The following ANO7 variants were observed in gnomAD, a reference collection of about 807,000 sequenced individuals.
ANO7 encodes anoctamin-7.
ANO7 carries 114 observed loss-of-function variants against 115.8 expected under a neutral mutation model. The ratio of observed to expected loss-of-function variants is 0.98; its 90% CI spans 0.85 to 1.15. The LOEUF is 1.15. Ranked by LOEUF, ANO7 falls within the 50% of genes most tolerant of loss-of-function variation. ANO7 has a pLI of 0.00. For missense variants in ANO7, 1,302 were observed against 1,201.2 expected, an observed-to-expected ratio of 1.08 and a Z score of -1.24; for synonymous variants, 550 against 498.2, an observed-to-expected ratio of 1.10 and a Z score of -1.38.
At chr2:241,240,005 A>G in the ANO7 span, 1 of 1,614,220 alleles carries the variant, frequency 6.2e-7, no homozygotes, top group Non-Finnish European at 8.5e-7. This position sits in a 1 kb window ranked among gnomAD's most constrained non-coding sequence, Gnocchi z 5.5. Context: ...GCCGCAGGGA[A>G]GATGACACGT....
the ANO7 span, chr2:241,238,388 G>A: frequency 3.2e-6 from 1 of 311,774 alleles, no homozygotes; most frequent in Non-Finnish European, 5.9e-6. The surrounding 1 kb of genome is among the most constrained non-coding windows in gnomAD (Gnocchi z 4.9). Flanking sequence ...GGATGAGGCT[G>A]CACGCTCCTC....
At chr2:241,190,560 G>T (rs985215896) in intron 2 of ANO7, among the ~76,000 whole-genome samples, 2 of 152,246 alleles carry the variant, frequency 1.3e-5, no homozygotes, top group East Asian at 1.9e-4. Context: ...CCATGGATGC[G>T]CTGTGAGCCT....
intron 1 of ANO7, among the ~76,000 whole-genome samples, chr2:241,189,469 A>G (rs1002046463): frequency 5.3e-5 from 8 of 152,070 alleles, no homozygotes; most frequent in Non-Finnish European, 8.8e-5. Context: ...ACTAGGAGCC[A>G]CGGCACCTGT....
At position 241,209,488 on chromosome 2, in the gene ANO7, T is replaced by G. The variant is rs201230626; in HGVS notation, c.1222-10T>G. On this transcript the variant is annotated splice_polypyrimidine_tract_variant and intron_variant, in intron 12 of 24. Transcript: ENST00000674324. ...GCGAGGGCCGCCACTGAGCACCGGC[T>G]CCCTTCCAGGAGAGGCCTCGGCCCC... 1.9e-6 allele frequency: 3 copies of G among 1,598,578 alleles called. No homozygotes were observed.
the ANO7 span, chr2:241,239,564 G>T: frequency 4.6e-6 from 7 of 1,537,002 alleles, no homozygotes; most frequent in Non-Finnish European, 5.4e-6. The surrounding 1 kb of genome is among the most constrained non-coding windows in gnomAD (Gnocchi z 4.6). Context: ...GTGGCCACTG[G>T]GGGGTGAGAA....
downstream of ANO7, chr2:241,229,937 C>A (rs527489432): frequency 2.4e-4 from 385 of 1,604,004 alleles, no homozygotes; most frequent in Non-Finnish European, 3.2e-4. Flanking sequence ...ACCTGCAGCG[C>A]CTCACTGTCC....
intron 4 of ANO7, among the ~76,000 whole-genome samples, chr2:241,197,957 C>G (rs10194929): frequency 0.83 from 125,824 of 152,194 alleles, 52,093 homozygotes; most frequent in East Asian, 0.91. Flanking sequence ...GGCCTCACCT[C>G]CCTCTTCCTT....
chr2:241,212,900 A>T (rs2068747716), intron 17 of ANO7: 1 of 449,252 alleles, frequency 2.2e-6, no homozygotes, highest in Non-Finnish European at 4.1e-6. Flanking sequence ...AGGGAGGCTG[A>T]GGGAGGAGGA....
chr2:241,203,399 C>T lies in ANO7; in HGVS notation c.790C>T (p.Gln264Ter), dbSNP rs1281105625. ...PRLNQRQVLF[Q>*]HWARWGKWNK... The stretch of plus-strand genomic sequence containing the variant: ...CCTCAACCAGCGCCAAGTCCTTTTC[C>T]AGCACTGGGCGCGCTGGGGCAAGTG... Residue 264 changes from glutamine (Q) to a stop codon, truncating the protein, a stop_gained, in exon 9 of 25, where the codon CAG (glutamine) becomes TAG (stop). Transcript: ENST00000674324. LOFTEE classifies it high-confidence loss of function. This position sits in a 1 kb window ranked among gnomAD's most constrained non-coding sequence, Gnocchi z 4.8. 8.1e-6 allele frequency: 13 copies of T among 1,600,412 alleles called. No individual in the cohort carries two copies. The East Asian group carries it at 1.1e-4, about 14-fold the overall frequency.
At chr2:241,216,500 C>A (rs1221189087) in intron 19 of ANO7, among the ~76,000 whole-genome samples, 3 of 152,342 alleles carry the variant, frequency 2.0e-5, no homozygotes, top group Admixed American at 2.0e-4. Flanking sequence ...TTGCAGAGCT[C>A]CCCTGGGGTC....
rs2069084010 is a variant in ANO7 at position 241,223,759 on chromosome 2, A to C, written c.2510A>C (p.Lys837Thr). The C allele has an allele frequency of 6.2e-7, 1 of 1,614,196 alleles. No individual in the cohort carries two copies. Among genetic ancestry groups the C allele is most frequent in the African/African-American group, 1.3e-5 (1 of 75,058 alleles). ...GTGAAGCGGGAGTACTACCTGGCTA[A>C]GCAGGCACTGGCTGAGAATGAGGTG... ...IKVKREYYLA[K>T]QALAENEVLF... The change falls in exon 23 of 25, where the codon AAG becomes ACG. Residue 837 changes from lysine to threonine, a missense_variant. Physicochemically the swap from Lys to Thr is moderately conservative, Grantham distance 78. Transcript: ENST00000674324.
rs58979078 is a variant in ANO7, at chr2:241,209,082, A to G, written c.1078-203A>G. Among the ~76,000 whole-genome samples, 1,006 of 152,304 alleles carry G rather than the reference A, an allele frequency of 6.6e-3. 13 individuals carry two copies. Among genetic ancestry groups the G allele is most frequent in the African/African-American group, 0.022 (917 of 41,572 alleles). ...GAGAATGGCGTGAACCCGGGAGGCGAAGCGTGCAGTGAGCCGAGATCGCGC... is the reference window on the plus strand; with the variant it reads ...GAGAATGGCGTGAACCCGGGAGGCGGAGCGTGCAGTGAGCCGAGATCGCGC... On this transcript the variant is annotated intron_variant, in intron 11 of 24. Transcript: ENST00000674324.
At position 241,209,498 on chromosome 2, in the gene ANO7, G is replaced by T. The variant is rs771468547; in HGVS notation, c.1222G>T (p.Glu408Ter). Residue 408 changes from glutamate (E) to a stop codon, truncating the protein, a stop_gained and splice_region_variant, in exon 13 of 25, where the codon GAG (glutamate) becomes TAG (stop). Coordinates refer to ENST00000674324, the MANE Select transcript of ANO7 (RefSeq NM_001370694.2). LOFTEE classifies it high-confidence loss of function. ...CCACTGAGCACCGGCTCCCTTCCAG[G>T]AGAGGCCTCGGCCCCAGTTTGCCGC... ...WDCSDYEDTE[E>*]RPRPQFAASA... 6.3e-7 allele frequency: 1 copy of T among 1,594,760 alleles called. No homozygotes were observed. Among genetic ancestry groups the T allele is most frequent in the African/African-American group, 1.3e-5 (1 of 74,760 alleles).
chr2:241,203,583 G>A lies in ANO7; in HGVS notation c.889+85G>A, dbSNP rs368918739. Reference sequence around the variant, plus strand: ...TAACAATTTGCCAGTCCGTACCCCTGGAGGGCAGCGTGCGTGGGGGCCTGG... The same window carrying A: ...TAACAATTTGCCAGTCCGTACCCCTAGAGGGCAGCGTGCGTGGGGGCCTGG... On this transcript the variant is annotated intron_variant, in intron 9 of 24. Transcript: ENST00000674324. The surrounding 1 kb of genome is among the most constrained non-coding windows in gnomAD (Gnocchi z 4.8). 7 of 1,052,146 alleles carry A rather than the reference G, an allele frequency of 6.7e-6. No homozygotes were observed. In the East Asian group the frequency reaches 9.4e-5, roughly 14 times the overall value. The allele number at this position is 1,052,146 out of a possible 1,614,324, so 65.2% of individuals were successfully genotyped here. A position where few individuals can be genotyped will look rare whatever the true frequency, so the allele number is the denominator to read the frequency against.
Position 241,200,188 on chromosome 2 carries a change from T to G in ANO7, c.517T>G (p.Tyr173Asp), listed in dbSNP as rs758191643. The G allele has an allele frequency of 6.2e-7, 1 of 1,613,006 alleles. No homozygotes were observed. The highest frequency in any genetic ancestry group is 1.1e-5 in the South Asian group (1 of 91,080). The change falls in exon 6 of 25, where the codon TAC (tyrosine) becomes GAC (aspartate). Residue 173 changes from tyrosine (Y) to aspartate (D), a missense_variant. Transcript: ENST00000674324. ...GGTTGTGCCAGACGTACCCCCCGAG[T>G]ACTACTCCTGCCGGTTCAGAGTGAA... ...LEVVPDVPPE[Y>D]YSCRFRVNKL...
intron 21 of ANO7, 117 bp from the exon 22 acceptor site, chr2:241,223,069 G>A: frequency 2.2e-6 from 2 of 899,544 alleles, no homozygotes; most frequent in Non-Finnish European, 3.6e-6. Context: ...GCCAGGCCAG[G>A]AACATGGGAT....
intron 3 of ANO7, 44 bp from the exon 4 acceptor site, chr2:241,195,659 T>C: frequency 6.3e-7 from 1 of 1,595,776 alleles, no homozygotes; most frequent in Non-Finnish European, 8.6e-7. Flanking sequence ...GGCCGGCCAC[T>C]GCCACTTAGC....
chr2:241,191,325 G>A (rs934824923), intron 3 of ANO7, 74 bp downstream of exon 3: 2 of 1,575,194 alleles, frequency 1.3e-6, no homozygotes, highest in Non-Finnish European at 1.7e-6. Flanking sequence ...GTGCCCCCAG[G>A]GGCAGCAGGC....
At chr2:241,232,259 A>G in the ANO7 span, among the ~76,000 whole-genome samples, 1 of 151,526 alleles carries the variant, frequency 6.6e-6, no homozygotes, top group Non-Finnish European at 1.5e-5. Flanking sequence ...GGAATAGTCT[A>G]ATTGCTAAAC....
Sources: allele counts gnomAD v4.1 joint callset (sites outside exome capture counted in the v4.1 genomes callset), GRCh38; gene constraint gnomAD v4.1.1; non-coding constraint Gnocchi (gnomAD v3.1); transcripts MANE v1.5; gene names NCBI Gene and HGNC (gene_info 2026-07-23, HGNC 2026-07-21).